CADM2: variants seen among roughly 807,000 people sequenced by gnomAD.
CADM2 encodes the protein cell adhesion molecule 2, also known as immunoglobulin superfamily member 4D.
In CADM2, 12 loss-of-function variants were observed where a neutral mutation model predicts 49.8. The observed-to-expected ratio is 0.24, with a 90% confidence interval of 0.15 to 0.39. CADM2 has a LOEUF of 0.39. Ranked by LOEUF, CADM2 falls within the 10% of genes least tolerant of loss-of-function variation. The pLI is 1.00. For missense variants in CADM2, 378 were observed against 492.3 expected, an observed-to-expected ratio of 0.77 and a Z score of 2.20; for synonymous variants, 214 against 175.4, an observed-to-expected ratio of 1.22 and a Z score of -1.74.
intron 1 of CADM2, among the ~76,000 whole-genome samples, chr3:85,685,364 C>T (rs1219827385): frequency 6.6e-6 from 1 of 152,020 alleles, no homozygotes; most frequent in Non-Finnish European, 1.5e-5. Flanking sequence ...TTGTGTTAAT[C>T]ACCACAGACA....
At chr3:85,219,551 A>T (rs1486540952) in intron 1 of CADM2, among the ~76,000 whole-genome samples, 1 of 152,212 alleles carries the variant, frequency 6.6e-6, no homozygotes, top group Non-Finnish European at 1.5e-5. Flanking sequence ...CATGTATTTC[A>T]AAGAAAGCTA....
intron 1 of CADM2, among the ~76,000 whole-genome samples, chr3:85,325,537 C>G (rs997225553): frequency 6.6e-6 from 1 of 151,940 alleles, no homozygotes; most frequent in East Asian, 1.9e-4. Flanking sequence ...TGGCGAAACC[C>G]CGTTTCTGCT....
chr3:85,727,830 G>A (rs756397484), intron 2 of CADM2, among the ~76,000 whole-genome samples: 3 of 151,966 alleles, frequency 2.0e-5, no homozygotes, highest in Non-Finnish European at 4.4e-5. Context: ...TGGATAGGAT[G>A]TACATAGAAA....
At position 85,232,659 on chromosome 3, in the gene CADM2, CAT is replaced by C. The variant is rs527517566; in HGVS notation, c.61+272992_61+272993del. 2.2e-3 allele frequency among the ~76,000 whole-genome samples: 339 copies of C among 151,918 alleles called. 2 individuals carry two copies. The highest frequency in any genetic ancestry group is 7.3e-3 in the African/African-American group (304 of 41,428). On this transcript the variant is annotated intron_variant, in intron 1 of 9. Transcript: ENST00000383699. Reference sequence around the variant, plus strand: ...AAAAGCTTTACTGATGGCGAATAAACATGTGAAAAAAAACACCCTATATTATT... The same window carrying C: ...AAAAGCTTTACTGATGGCGAATAAACGTGAAAAAAAACACCCTATATTATT...
chr3:85,931,646 C>A (rs936901038), intron 6 of CADM2, among the ~76,000 whole-genome samples: 2 of 152,046 alleles, frequency 1.3e-5, no homozygotes, highest in Non-Finnish European at 1.5e-5. Flanking sequence ...TTAGCAAAAG[C>A]ATTTGAATTA....
intron 1 of CADM2, among the ~76,000 whole-genome samples, chr3:85,019,772 G>A (rs1279715631): frequency 1.3e-5 from 2 of 152,116 alleles, no homozygotes; most frequent in Admixed American, 6.5e-5. Flanking sequence ...AATGTGGCAG[G>A]CCAATTATAA....
intron 1 of CADM2, among the ~76,000 whole-genome samples, chr3:85,395,586 G>T (rs561200319): frequency 2.0e-5 from 3 of 152,076 alleles, no homozygotes; most frequent in Admixed American, 6.5e-5. Flanking sequence ...ACTCCAAAAA[G>T]GTTGTAGATT....
intron 1 of CADM2, among the ~76,000 whole-genome samples, chr3:85,474,579 G>C (rs569947553): frequency 1.4e-4 from 21 of 151,826 alleles, no homozygotes; most frequent in Non-Finnish European, 2.4e-4. Context: ...TTACCTAAAT[G>C]AGTGATTAAA....
intron 1 of CADM2, among the ~76,000 whole-genome samples, chr3:85,302,803 C>T (rs995592107): frequency 1.3e-5 from 2 of 151,788 alleles, no homozygotes; most frequent in African/African-American, 4.8e-5. Flanking sequence ...TGTAATATAA[C>T]AATTGTATGT....
intron 1 of CADM2, among the ~76,000 whole-genome samples, chr3:85,349,441 C>G (rs1218874809): frequency 1.3e-5 from 2 of 152,118 alleles, no homozygotes; most frequent in Non-Finnish European, 2.9e-5. Context: ...GCATTTATTT[C>G]TAAAGCTAAG....
intron 8 of CADM2, among the ~76,000 whole-genome samples, chr3:86,044,397 G>A (rs950574395): frequency 3.9e-5 from 6 of 152,134 alleles, no homozygotes; most frequent in Non-Finnish European, 5.9e-5. Flanking sequence ...ACAAGTGGAC[G>A]AAGGATATGA....
At chr3:85,892,106 G>GA (rs1394780951) in intron 5 of CADM2, among the ~76,000 whole-genome samples, 1 of 152,198 alleles carries the variant, frequency 6.6e-6, no homozygotes, top group Non-Finnish European at 1.5e-5. Flanking sequence ...GGAGAAGTCT[G>GA]AAGACTAGCT....
chr3:85,227,332 A>T (rs2042184665), intron 1 of CADM2, among the ~76,000 whole-genome samples: 1 of 151,800 alleles, frequency 6.6e-6, no homozygotes, highest in African/African-American at 2.4e-5. Flanking sequence ...TATATATTTG[A>T]GACAGTTAGC....
At chr3:85,205,437 A>C (rs965262759) in intron 1 of CADM2, among the ~76,000 whole-genome samples, 1 of 152,176 alleles carries the variant, frequency 6.6e-6, no homozygotes, top group Non-Finnish European at 1.5e-5. Context: ...AAATGTTATA[A>C]GTTTATGTAA....
chr3:85,332,820 C>A (rs1379625991), intron 1 of CADM2, among the ~76,000 whole-genome samples: 3 of 151,048 alleles, frequency 2.0e-5, no homozygotes, highest in Admixed American at 2.0e-4. Flanking sequence ...AGATTTGACT[C>A]AAAAATCTGT....
intron 1 of CADM2, among the ~76,000 whole-genome samples, chr3:85,415,088 CTT>C (rs1339905456): frequency 1.3e-5 from 2 of 152,256 alleles, no homozygotes; most frequent in East Asian, 3.9e-4. Context: ...ACCGCTGAGA[CTT>C]TGCTATATAA....
chr3:85,131,828 C>T (rs1473121070), intron 1 of CADM2, among the ~76,000 whole-genome samples: 3 of 150,684 alleles, frequency 2.0e-5, no homozygotes, highest in Non-Finnish European at 4.4e-5. Context: ...CACTACGATA[C>T]AATTAAATTC....
intron 1 of CADM2, among the ~76,000 whole-genome samples, chr3:85,394,092 G>T (rs570139155): frequency 1.3e-4 from 20 of 152,228 alleles, no homozygotes; most frequent in Admixed American, 4.6e-4. Context: ...ACCGCGCCTG[G>T]CCTGAAATAG....
intron 3 of CADM2, among the ~76,000 whole-genome samples, chr3:85,855,600 A>G (rs1433068119): frequency 1.1e-5 from 1 of 89,024 alleles, no homozygotes; most frequent in African/African-American, 6.3e-5. Flanking sequence ...ATATATATAA[A>G]ACATATATAT....
Sources: gnomAD v4.1 joint callset for allele counts (sites outside exome capture counted in the v4.1 genomes callset) on GRCh38, gnomAD v4.1.1 for gene constraint, MANE v1.5 for transcripts, NCBI Gene and HGNC (gene_info 2026-07-23, HGNC 2026-07-21) for gene names.